The following SHANK2 variants were observed in gnomAD, a reference collection of about 807,000 sequenced individuals.
SHANK2 encodes the protein SH3 and multiple ankyrin repeat domains 2.
In SHANK2, 43 loss-of-function variants were observed where a neutral mutation model predicts 133.7. The observed-to-expected ratio is 0.32, with a 90% CI of 0.25 to 0.41. The LOEUF (loss-of-function observed/expected upper bound fraction) is 0.41. Among genes scored for constraint, SHANK2 ranks in the 10% least tolerant of loss-of-function variants. SHANK2 has a pLI of 1.00. For missense variants in SHANK2, 1,994 were observed against 2,235.8 expected (o/e 0.89, Z 2.18); for synonymous variants, 1,017 against 952.8 (o/e 1.07, Z -1.24).
intron 22 of SHANK2, among the ~76,000 whole-genome samples, 171 bp downstream of exon 22, chr11:70,492,164 G>A (rs782302413): frequency 6.6e-6 from 1 of 152,238 alleles, no homozygotes; most frequent in African/African-American, 2.4e-5. Flanking sequence ...CCACCACTGT[G>A]AGTCTGCACA....
At chr11:70,873,266 T>C (rs1368312033) in intron 11 of SHANK2, 2 of 391,000 alleles carry the variant, frequency 5.1e-6, no homozygotes, top group Admixed American at 5.7e-5. Flanking sequence ...GGCATTAACA[T>C]CCTCTGACAA....
chr11:71,139,277 C>T lies in SHANK2; in HGVS notation c.207+7843G>A, dbSNP rs1295670743. Among the ~76,000 whole-genome samples the T allele has an allele frequency of 7.3e-5, 11 of 150,852 alleles. No individual in the cohort carries two copies. In the Admixed American group the frequency reaches 7.3e-4, roughly 10 times the overall value. Reference sequence around the variant, plus strand: ...GCCGACGTAGACACCCCAGCAGAGCCCGACAAAGGCCGCCACAGCCCCGTT... The same window carrying T: ...GCCGACGTAGACACCCCAGCAGAGCTCGACAAAGGCCGCCACAGCCCCGTT... On this transcript the variant is annotated intron_variant, in intron 3 of 25. Transcript: ENST00000601538.
chr11:70,521,179 T>C (rs1461297691), intron 17 of SHANK2, among the ~76,000 whole-genome samples: 1 of 152,266 alleles, frequency 6.6e-6, no homozygotes, highest in Non-Finnish European at 1.5e-5. Context: ...TGTCTCTTTC[T>C]CTTTGCTGAA....
chr11:70,515,239 A>T (rs1554969790), intron 17 of SHANK2, among the ~76,000 whole-genome samples: 2 of 152,138 alleles, frequency 1.3e-5, no homozygotes, highest in African/African-American at 4.8e-5. Context: ...TGGTTTCACC[A>T]TGTTGCCCAG....
chr11:70,554,104 C>T (rs2059801478), intron 17 of SHANK2, among the ~76,000 whole-genome samples: 1 of 152,258 alleles, frequency 6.6e-6, no homozygotes, highest in Admixed American at 6.5e-5. Context: ...ATGGTAGGAA[C>T]AGCCTGTGCT....
intron 10 of SHANK2, among the ~76,000 whole-genome samples, chr11:70,930,956 C>T (rs1305162347): frequency 6.6e-6 from 1 of 151,996 alleles, no homozygotes; most frequent in Non-Finnish European, 1.5e-5. Context: ...CATGAGTTAC[C>T]ATGCCCACCC....
chr11:70,728,526 C>G (rs1223763562), intron 14 of SHANK2, among the ~76,000 whole-genome samples: 3 of 152,220 alleles, frequency 2.0e-5, no homozygotes, highest in African/African-American at 7.2e-5. Flanking sequence ...CAGATGAAAG[C>G]CACAGGTCCA....
intron 17 of SHANK2, among the ~76,000 whole-genome samples, chr11:70,531,220 T>A (rs1416715834): frequency 8.1e-5 from 12 of 148,716 alleles, no homozygotes; most frequent in African/African-American, 2.7e-4. Context: ...TGTATTTTAC[T>A]ATGATTTAAA....
rs1250962463 is a variant in SHANK2 at position 70,475,740 on chromosome 11, T to C, written c.4980-2301A>G. The stretch of plus-strand genomic sequence containing the variant: ...CCCATCCACCCATAGGGTGTTCACG[T>C]GCTATTTTCCAGAGGGCTGGGTGCC... On this transcript the variant is annotated intron_variant, in intron 25 of 25. Coordinates refer to ENST00000601538, the MANE Select transcript of SHANK2 (RefSeq NM_012309.5). 2.0e-5 allele frequency among the ~76,000 whole-genome samples: 3 copies of C among 152,292 alleles called. No individual in the cohort carries two copies. In the East Asian group the frequency reaches 5.8e-4, roughly 29 times the overall value.
At chr11:70,532,289 T>C (rs182956676) in intron 17 of SHANK2, among the ~76,000 whole-genome samples, 23 of 152,174 alleles carry the variant, frequency 1.5e-4, no homozygotes, top group Admixed American at 1.2e-3. Context: ...TGGACAACTG[T>C]GTAGGTTGTT....
chr11:70,536,904 T>C (rs1463023137), intron 17 of SHANK2, among the ~76,000 whole-genome samples: 2 of 152,174 alleles, frequency 1.3e-5, no homozygotes, highest in African/African-American at 4.8e-5. Flanking sequence ...CAGTGTCTCT[T>C]GGTGAAGGAG....
At chr11:70,798,953 G>A (rs1374206174) in intron 13 of SHANK2, among the ~76,000 whole-genome samples, 4 of 152,038 alleles carry the variant, frequency 2.6e-5, no homozygotes, top group South Asian at 2.1e-4. Context: ...AAGTGGAGTC[G>A]GGGGGCACCG....
intron 17 of SHANK2, among the ~76,000 whole-genome samples, chr11:70,590,183 A>G (rs1340348378): frequency 6.6e-6 from 1 of 152,048 alleles, no homozygotes; most frequent in Admixed American, 6.6e-5. Context: ...AAACAAACAA[A>G]AACAGAAGTG....
intron 17 of SHANK2, among the ~76,000 whole-genome samples, chr11:70,544,611 C>G (rs2059665839): frequency 6.6e-6 from 1 of 152,194 alleles, no homozygotes; most frequent in African/African-American, 2.4e-5. Flanking sequence ...ACCATCCCAT[C>G]CCAACACCCC....
Position 70,824,451 on chromosome 11 carries a change from C to G in SHANK2, c.1175-3769G>C, listed in dbSNP as rs1008866672. ...GGGCTCCTCAGCCAGCACTTTCATC[C>G]CACTCCTAATTTCTCAAAGCACACG... On this transcript the variant is annotated intron_variant, in intron 11 of 25. Transcript: ENST00000601538. Among the ~76,000 whole-genome samples the G allele has an allele frequency of 1.3e-5, 2 of 152,088 alleles. 1 individual carries two copies. Among genetic ancestry groups the G allele is most frequent in the Non-Finnish European group, 2.9e-5 (2 of 68,010 alleles).
At chr11:70,688,685 A>T (rs1477919208) in intron 15 of SHANK2, among the ~76,000 whole-genome samples, 2 of 152,208 alleles carry the variant, frequency 1.3e-5, no homozygotes, top group African/African-American at 4.8e-5. Context: ...TGATCTTGTC[A>T]TGGGGCTGGC....
intron 15 of SHANK2, among the ~76,000 whole-genome samples, chr11:70,694,220 T>A (rs145283375): frequency 6.6e-6 from 1 of 152,354 alleles, no homozygotes; most frequent in African/African-American, 2.4e-5. Context: ...TGTTTGACCT[T>A]AATTAATGTG....
chr11:71,210,816 A>C (rs1954259873), intron 2 of SHANK2, among the ~76,000 whole-genome samples: 1 of 152,178 alleles, frequency 6.6e-6, no homozygotes, highest in African/African-American at 2.4e-5. Flanking sequence ...TCCCTGCTCC[A>C]AGAATGAGCC....
intron 10 of SHANK2, among the ~76,000 whole-genome samples, chr11:70,934,758 A>T (rs1368247222): frequency 6.6e-6 from 1 of 152,256 alleles, no homozygotes; most frequent in African/African-American, 2.4e-5. Context: ...CTGACATGCC[A>T]CGTGTGGGTA....
Sources: gnomAD v4.1 joint callset for allele counts (sites outside exome capture counted in the v4.1 genomes callset) on GRCh38, gnomAD v4.1.1 for gene constraint, MANE v1.5 for transcripts, NCBI Gene and HGNC (gene_info 2026-07-23, HGNC 2026-07-21) for gene names.